CDAN1: variants seen among roughly 807,000 people sequenced by gnomAD.
CDAN1 encodes codanin-1.
CDAN1 carries 107 observed loss-of-function variants against 139.8 expected under a neutral mutation model. The ratio of observed to expected loss-of-function variants is 0.77; its 90% CI spans 0.65 to 0.90. The LOEUF is 0.90. CDAN1 is among the 40% of genes least tolerant of loss of function. The pLI is 0.00. For synonymous variants in CDAN1, 776 were observed against 660.6 expected (o/e 1.17, Z -2.68); for missense variants, 1,667 against 1,575.7 (o/e 1.06, Z -0.98).
At position 42,737,083 on chromosome 15, in the gene CDAN1, G is replaced by A. The variant is rs772069240; in HGVS notation, c.20C>T (p.Ser7Leu). 44 of 1,526,260 alleles carry A rather than the reference G, an allele frequency of 2.9e-5. No homozygotes were observed. The highest frequency in any genetic ancestry group is 7.8e-5 in the East Asian group (3 of 38,652). 94.5% of individuals were successfully genotyped at this position (1,526,260 alleles called of 1,614,324 possible). MAAVLE[S>L]LLREEVSVAA... The stretch of plus-strand genomic sequence containing the variant: ...GACCGACACCTCTTCTCGCAGCAGC[G>A]ACTCCAAAACGGCCGCCATCCCGGT... Residue 7 changes from serine to leucine, a missense_variant, in exon 1 of 28, where the codon TCG becomes TTG. Around this residue, in one of 3 missense-constraint regions of CDAN1, gnomAD observed 487 missense variants for 422.2 expected, o/e 1.15. Transcript: ENST00000356231.
At position 42,735,156 on chromosome 15, in the gene CDAN1, G is replaced by T; in HGVS notation, c.1080C>A (p.Phe360Leu). 2 of 1,613,876 alleles carry T rather than the reference G, an allele frequency of 1.2e-6. No individual in the cohort carries two copies. Among genetic ancestry groups the T allele is most frequent in the Non-Finnish European group, 1.7e-6 (2 of 1,179,808 alleles). The change falls in exon 6 of 28, where the codon TTC becomes TTA. Residue 360 changes from phenylalanine (F) to leucine (L), a missense_variant. This residue lies in a region of CDAN1 where 244 missense variants were observed against 309.4 expected (regional missense o/e 0.79). Coordinates refer to ENST00000356231, the MANE Select transcript of CDAN1 (RefSeq NM_138477.4). ...AGAAGACACAATCGTGGATGCTTTGGAACAGTGGACTTTCCAGGGAATCTA... is the reference window on the plus strand; with the variant it reads ...AGAAGACACAATCGTGGATGCTTTGTAACAGTGGACTTTCCAGGGAATCTA... ...AVLDSLESPL[F>L]QSIHDCVFFA...
rs1448052397 is a variant in CDAN1, at chr15:42,728,664, G to A, written c.2792C>T (p.Ala931Val). Residue 931 changes from alanine (A) to valine (V), a missense_variant, in exon 20 of 28, where the codon GCC becomes GTC. Ala to Val is a moderately conservative substitution (Grantham distance 64, BLOSUM62 0). Coordinates refer to ENST00000356231, the MANE Select transcript of CDAN1 (RefSeq NM_138477.4). ...QLCPHGAQAL[A>V]LGREFCQRKS... is the part of the protein sequence containing the mutation. ...CAGCGCTGCTTACTCCCGCCCCAGG[G>A]CCAATGCCTGGGCCCCGTGAGGGCA... is the stretch of plus-strand genomic sequence containing the variant. The A allele has an allele frequency of 1.9e-6, 3 of 1,614,062 alleles. No homozygotes were observed. Among genetic ancestry groups the A allele is most frequent in the Non-Finnish European group, 2.5e-6 (3 of 1,180,046 alleles).
rs4265781 is a variant in CDAN1, at chr15:42,736,551, T to A, written c.320A>T (p.Gln107Leu). The change falls in exon 2 of 28, where the codon CAG (glutamine) becomes CTG (leucine). Residue 107 changes from glutamine (Q) to leucine (L), a missense_variant. Physicochemically the swap from Gln to Leu is moderately radical, Grantham distance 113 (BLOSUM62 -2). Transcript: ENST00000356231. ...CAGAGGGGCCTCGGCAGCGGTGCTC[T>A]GGGCCTCGGTCGGAGGGAAAAGCTG... The part of the protein sequence containing the change: ...RSQLFPPTEA[Q>L]STAAEAPLAR... 0.27 allele frequency: 398,415 copies of A among 1,483,802 alleles called. 68,781 individuals carry two copies. Among genetic ancestry groups the A allele is most frequent in the African/African-American group, 0.85 (58,022 of 68,134 alleles). The allele number at this position is 1,483,802 out of a possible 1,614,324, so 91.9% of individuals were successfully genotyped here.
chr15:42,725,645 C>T lies in CDAN1; in HGVS notation c.3294G>A (p.Gly1098=), dbSNP rs2061516207. ...LLVADQIPIL[G]PPAQYRLERG... ...TCTCCAGCCTGTACTGTGCCGGGGG[C>T]CCTAGGATAGGAATTTGATCTGCAA... The change falls in exon 26 of 28, where the codon GGG becomes GGA. Residue 1098 remains glycine (G), a synonymous_variant. Coordinates refer to ENST00000356231, the MANE Select transcript of CDAN1 (RefSeq NM_138477.4). The T allele has an allele frequency of 3.1e-6, 5 of 1,613,866 alleles. No individual in the cohort carries two copies. Among genetic ancestry groups the T allele is most frequent in the African/African-American group, 1.3e-5 (1 of 74,854 alleles).
In CDAN1 at chr15:42,726,420, G is replaced by A. The variant is rs1316693172; in HGVS notation, c.3097-3C>T. On this transcript the variant is annotated splice_polypyrimidine_tract_variant and splice_region_variant and intron_variant, in intron 23 of 27. Coordinates refer to ENST00000356231, the MANE Select transcript of CDAN1 (RefSeq NM_138477.4). ...CCCACGGCCAAGGAGAGCACGTCCTGTGAAGAGCAGGGGGAGATATCACCT... is the reference window on the plus strand; with the variant it reads ...CCCACGGCCAAGGAGAGCACGTCCTATGAAGAGCAGGGGGAGATATCACCT... 4.4e-6 allele frequency: 7 copies of A among 1,583,850 alleles called. No individual in the cohort carries two copies. Among genetic ancestry groups the A allele is most frequent in the Non-Finnish European group, 6.0e-6 (7 of 1,164,276 alleles).
Position 42,736,588 on chromosome 15 carries a change from CG to C in CDAN1, c.282del (p.Ala96ArgfsTer86). 1 of 1,493,170 alleles carries C rather than the reference CG, an allele frequency of 6.7e-7. No homozygotes were observed. Among genetic ancestry groups the C allele is most frequent in the African/African-American group, 1.5e-5 (1 of 68,366 alleles). The allele number at this position is 1,493,170 out of a possible 1,614,324, so 92.5% of individuals were successfully genotyped here. On this transcript the variant is annotated frameshift_variant, in exon 2 of 28. Coordinates refer to ENST00000356231, the MANE Select transcript of CDAN1 (RefSeq NM_138477.4). LOFTEE classifies it high-confidence loss of function. ...GGAGGGAAAAGCTGGCTGCGCGCCC[CG>C]CGGCTACCCCGCGGCGGGCCTCCCG... ...GRPGGPPRGSRGARSQLFPPT... is the reference protein window; with the variant it reads ...GRPGGPPRGSXGARSQLFPPT...
rs1287630199 is a variant in CDAN1 at position 42,725,603 on chromosome 15, C to A, written c.3336G>T (p.Arg1112Ser). 3.7e-6 allele frequency: 6 copies of A among 1,614,034 alleles called. No individual in the cohort carries two copies. In the East Asian group the frequency reaches 1.3e-4, roughly 36 times the overall value. ...ACAAGGAAAGCAGCATGTGCAGAAGCCTTCGAGCCTGCCCTCTCTCCAGCC... is the reference window on the plus strand; with the variant it reads ...ACAAGGAAAGCAGCATGTGCAGAAGACTTCGAGCCTGCCCTCTCTCCAGCC... ...QYRLERGQARRLLHMLLSLWK... is the reference protein window; with the variant it reads ...QYRLERGQARSLLHMLLSLWK... The change falls in exon 26 of 28, where the codon AGG becomes AGT. Residue 1112 changes from arginine (R) to serine (S), a missense_variant. Coordinates refer to ENST00000356231, the MANE Select transcript of CDAN1 (RefSeq NM_138477.4).
chr15:42,730,316 G>C, intron 14 of CDAN1, 101 bp from the exon 15 acceptor site: 2 of 1,147,766 alleles, frequency 1.7e-6, no homozygotes, highest in East Asian at 2.3e-5. Flanking sequence ...AGAACTAAAA[G>C]GGACTGGGGC....
At position 42,729,581 on chromosome 15, in the gene CDAN1, G is replaced by A; in HGVS notation, c.2394C>T (p.Cys798=). The change falls in exon 17 of 28, where the codon TGC becomes TGT. Residue 798 remains cysteine (C), a synonymous_variant. Transcript: ENST00000356231. The stretch of plus-strand genomic sequence containing the variant: ...ACCGGTGCTCACCGATGTAGGGGCA[G>A]CAGGTGTAGAGCAGCTGCTGGTCCA... ...PVVDQQLLYT[C]CPYIGELRKL... 6.2e-7 allele frequency: 1 copy of A among 1,614,182 alleles called. No individual in the cohort carries two copies. The highest frequency in any genetic ancestry group is 8.5e-7 in the Non-Finnish European group (1 of 1,180,024).
chr15:42,727,901 G>A lies in CDAN1; in HGVS notation c.2947+54C>T, dbSNP rs2061553128. The A allele has an allele frequency of 2.7e-5, 44 of 1,600,860 alleles. 1 individual carries two copies. In the South Asian group the frequency reaches 4.5e-4, roughly 16 times the overall value. ...GCCCACAAGATGCCTCTGACTCTCT[G>A]CCAGTCCACTTTTTAAACACTTGAT... On this transcript the variant is annotated intron_variant, in intron 22 of 27. Transcript: ENST00000356231.
Position 42,727,692 on chromosome 15 carries a change from C to A in CDAN1, c.3025G>T (p.Glu1009Ter), listed in dbSNP as rs747974604. The change falls in exon 23 of 28, where the codon GAG (glutamate) becomes TAG (stop). Residue 1009 changes from glutamate to a stop codon, truncating the protein, a stop_gained. Coordinates refer to ENST00000356231, the MANE Select transcript of CDAN1 (RefSeq NM_138477.4). LOFTEE classifies it high-confidence loss of function. ...CAGGCGCGGGAGCAGCCCCTCCGCT[C>A]CCCCCGGGCAGCAGGTTCAGGACCC... ...AQGPEPAARG[E>*]RRGCSRACEH... 3 of 1,584,432 alleles carry A rather than the reference C, an allele frequency of 1.9e-6. No homozygotes were observed. Among genetic ancestry groups the A allele is most frequent in the Non-Finnish European group, 2.6e-6 (3 of 1,161,808 alleles).
intron 15 of CDAN1, 119 bp from the exon 16 acceptor site, chr15:42,730,004 G>GA (rs1304815606): frequency 1.6e-6 from 2 of 1,236,682 alleles, no homozygotes; most frequent in African/African-American, 1.5e-5. Flanking sequence ...GAGATGATGG[G>GA]AATCCCCAGG....
At chr15:42,733,729 C>T (rs1390819867) in intron 8 of CDAN1, among the ~76,000 whole-genome samples, 1 of 152,206 alleles carries the variant, frequency 6.6e-6, no homozygotes, top group East Asian at 1.9e-4. Flanking sequence ...AAACCATACA[C>T]CTGTGAGATG....
At chr15:42,725,379 T>C in intron 26 of CDAN1, 110 bp downstream of exon 26, 1 of 1,502,830 alleles carries the variant, frequency 6.7e-7, no homozygotes, top group East Asian at 2.3e-5. Flanking sequence ...CCCATTTCTG[T>C]GTGGAACAGG....
In CDAN1 at chr15:42,736,299, C is replaced by T; in HGVS notation, c.569+3G>A. 6.2e-7 allele frequency: 1 copy of T among 1,613,608 alleles called. No homozygotes were observed. The highest frequency in any genetic ancestry group is 8.5e-7 in the Non-Finnish European group (1 of 1,179,972). On this transcript the variant is annotated splice_donor_region_variant and intron_variant, in intron 2 of 27. Transcript: ENST00000356231. ...CATCTCCTGCATGAGAGCTGAGTCT[C>T]ACCCTGTAGGGCCGGGGGGAACCGA... is the stretch of plus-strand genomic sequence containing the variant.
chr15:42,731,267 C>A lies in CDAN1; in HGVS notation c.1804G>T (p.Ala602Ser), dbSNP rs1358350490. The change falls in exon 12 of 28, where the codon GCC becomes TCC. Residue 602 changes from alanine (A) to serine (S), a missense_variant. By Grantham distance (99) the Ala-to-Ser change is moderately conservative. This residue lies in a region of CDAN1 where 936 missense variants were observed against 844.1 expected (regional missense o/e 1.11). Coordinates refer to ENST00000356231, the MANE Select transcript of CDAN1 (RefSeq NM_138477.4). ...SLKIQELNGL[A>S]LPQHEPNDED... ...TCATTGGGCTCATGCTGGGGCAGGG[C>A]AAGACCATTGAGCTCCTGGATCTTC... 6.2e-7 allele frequency: 1 copy of A among 1,614,042 alleles called. No individual in the cohort carries two copies. Among genetic ancestry groups the A allele is most frequent in the Non-Finnish European group, 8.5e-7 (1 of 1,180,036 alleles).
At position 42,730,160 on chromosome 15, in the gene CDAN1, G is replaced by A. The variant is rs2061589738; in HGVS notation, c.2230C>T (p.Leu744=). 2 of 1,614,180 alleles carry A rather than the reference G, an allele frequency of 1.2e-6. No individual in the cohort carries two copies. Among genetic ancestry groups the A allele is most frequent in the South Asian group, 1.1e-5 (1 of 91,086 alleles). ...AGCCAGCCCAGGACAGCAAGTAGCA[G>A]CAGCTTGTTCAGGAAACACATCTTC... The part of the protein sequence containing the change: ...EGKMCFLNKL[L]LLAVLGWLFQ... The change falls in exon 15 of 28, where the codon CTG becomes TTG. Residue 744 remains leucine, a synonymous_variant. Transcript: ENST00000356231.
rs1194015392 is a variant in CDAN1, at chr15:42,736,661, C to T, written c.210G>A (p.Pro70=). 1.3e-6 allele frequency: 2 copies of T among 1,538,846 alleles called. No individual in the cohort carries two copies. The highest frequency in any genetic ancestry group is 2.6e-5 in the East Asian group (1 of 39,200). The part of the protein sequence containing the change: ...QSSRVLPQGP[P]TPAKTPGASA... ...AGGCGCCCGGGGTCTTGGCGGGGGT[C>T]GGGGGCCCCTGCGGGAGGACGCGGC... The change falls in exon 2 of 28, where the codon CCG becomes CCA. Residue 70 remains proline (P), a synonymous_variant. Transcript: ENST00000356231.
intron 1 of CDAN1, 65 bp downstream of exon 1, chr15:42,736,948 G>A: frequency 6.7e-7 from 1 of 1,501,352 alleles, no homozygotes; most frequent in Middle Eastern, 1.7e-4. Context: ...AAGGGGACTG[G>A]AGGGCTGGAC....
Sources: gnomAD v4.1 joint callset for allele counts (sites outside exome capture counted in the v4.1 genomes callset) on GRCh38, gnomAD v4.1.1 for gene constraint, gnomAD v4.1.1 regional missense constraint, MANE v1.5 for transcripts, NCBI Gene and HGNC (gene_info 2026-07-23, HGNC 2026-07-21) for gene names.